RAP1GAP2: variants seen among roughly 807,000 people sequenced by gnomAD.
The protein encoded by RAP1GAP2 is rap1 GTPase-activating protein 2.
A neutral mutation model predicts 95.0 loss-of-function variants in RAP1GAP2; 27 were observed. The observed-to-expected ratio is 0.28, with a 90% CI of 0.21 to 0.39. The LOEUF (loss-of-function observed/expected upper bound fraction) is 0.39. Among genes scored for constraint, RAP1GAP2 ranks in the 10% least tolerant of loss-of-function variants. RAP1GAP2 has a pLI of 1.00. For missense variants in RAP1GAP2, 771 were observed against 970.0 expected (o/e 0.79, Z 2.72); for synonymous variants, 373 against 380.9 (o/e 0.98, Z 0.24).
In RAP1GAP2 at chr17:2,827,598, A is replaced by G. The variant is rs1481094608; in HGVS notation, c.80+27048A>G. 6.6e-6 allele frequency among the ~76,000 whole-genome samples: 1 copy of G among 151,840 alleles called. No individual in the cohort carries two copies. ...CAAGGCGGGTGGATCACCTGAGGTC[A>G]GGGGTTCAAGACCAGCCTGGATAAC... On this transcript the variant is annotated intron_variant, in intron 2 of 24. Transcript: ENST00000254695. The surrounding 1 kb of genome is among the most constrained non-coding windows in gnomAD (Gnocchi z 4.1).
At chr17:2,856,575 C>A (rs1322477159) in intron 2 of RAP1GAP2, among the ~76,000 whole-genome samples, 1 of 152,202 alleles carries the variant, frequency 6.6e-6, no homozygotes, top group Non-Finnish European at 1.5e-5. Flanking sequence ...TCAAGACCAG[C>A]CATGCATGGG....
chr17:2,795,368 C>T (rs967604313), upstream of RAP1GAP2, among the ~76,000 whole-genome samples: 4 of 152,184 alleles, frequency 2.6e-5, no homozygotes, highest in South Asian at 4.1e-4. Context: ...AGCACCAGTG[C>T]GTGCAGAGAT....
intron 3 of RAP1GAP2, among the ~76,000 whole-genome samples, chr17:2,934,583 AC>A (rs2043247625): frequency 6.6e-6 from 1 of 152,178 alleles, no homozygotes; most frequent in African/African-American, 2.4e-5. Context: ...TCTTTCTGTT[AC>A]CCCAAGAAAT....
intron 3 of RAP1GAP2, among the ~76,000 whole-genome samples, chr17:2,932,070 A>G (rs12449808): frequency 0.89 from 134,753 of 152,258 alleles, 59,786 homozygotes; most frequent in Non-Finnish European, 0.91. Flanking sequence ...CGGCTCCAGC[A>G]AAGTCCCAGT....
intron 12 of RAP1GAP2, 104 bp downstream of exon 12, chr17:2,991,501 A>C (rs1227765498): frequency 1.2e-6 from 1 of 843,586 alleles, no homozygotes; most frequent in Admixed American, 2.4e-5. Context: ...AAAAACACAC[A>C]AGAAATGAGG....
intron 2 of RAP1GAP2, among the ~76,000 whole-genome samples, chr17:2,840,218 C>T (rs1400808519): frequency 6.7e-6 from 1 of 150,028 alleles, no homozygotes; most frequent in Non-Finnish European, 1.5e-5. Context: ...CACTGGAGTG[C>T]GGTGGCGCGA....
chr17:2,966,587 G>A (rs1242500928), intron 8 of RAP1GAP2, among the ~76,000 whole-genome samples: 3 of 152,164 alleles, frequency 2.0e-5, no homozygotes, highest in East Asian at 3.8e-4. Context: ...GGAAAGGTGG[G>A]GGTCCGTGGT....
intron 1 of RAP1GAP2, among the ~76,000 whole-genome samples, chr17:2,768,354 G>T (rs2068316232): frequency 6.6e-6 from 1 of 152,190 alleles, no homozygotes; most frequent in Non-Finnish European, 1.5e-5. Context: ...CCACAGGAGG[G>T]CAGGGACTAT....
In RAP1GAP2 at chr17:2,855,665, T is replaced by C. The variant is rs532127243; in HGVS notation, c.81-49619T>C. On this transcript the variant is annotated intron_variant, in intron 2 of 24. Transcript: ENST00000254695. The surrounding 1 kb of genome is among the most constrained non-coding windows in gnomAD (Gnocchi z 4.3). The stretch of plus-strand genomic sequence containing the variant: ...CTCACTCTGTTAGCCCAAGCTGGAG[T>C]ACAGTGGCGCCATCTCGGCCCACTG... 4.4e-3 allele frequency among the ~76,000 whole-genome samples: 667 copies of C among 152,312 alleles called. 9 individuals carry two copies. The highest frequency in any genetic ancestry group is 0.014 in the Middle Eastern group (4 of 294).
chr17:2,927,797 C>A (rs558608246), intron 3 of RAP1GAP2, among the ~76,000 whole-genome samples: 1 of 152,278 alleles, frequency 6.6e-6, no homozygotes, highest in South Asian at 2.1e-4. Flanking sequence ...CGCTAGCCGG[C>A]CCACCGCATA....
At chr17:2,838,374 G>A (rs1339815266) in intron 2 of RAP1GAP2, among the ~76,000 whole-genome samples, 1 of 152,034 alleles carries the variant, frequency 6.6e-6, no homozygotes, top group South Asian at 2.1e-4. Context: ...GTGTGGAAGT[G>A]CAGGCAGCTG....
chr17:2,868,407 C>G (rs980919750), intron 2 of RAP1GAP2, among the ~76,000 whole-genome samples: 3 of 152,046 alleles, frequency 2.0e-5, no homozygotes, highest in African/African-American at 7.2e-5. Context: ...TACATGGTGT[C>G]GAAACTGCGG....
intron 10 of RAP1GAP2, among the ~76,000 whole-genome samples, chr17:2,982,916 T>A (rs1399265718): frequency 1.3e-5 from 2 of 152,208 alleles, no homozygotes; most frequent in Non-Finnish European, 2.9e-5. Context: ...CACGCATGTG[T>A]GTGTTTTTAA....
intron 3 of RAP1GAP2, among the ~76,000 whole-genome samples, chr17:2,939,558 C>G (rs2043414283): frequency 6.6e-6 from 1 of 152,246 alleles, no homozygotes; most frequent in African/African-American, 2.4e-5. Context: ...CCAAGGGGAG[C>G]CTGCTGGAGT....
chr17:2,969,177 A>ATCTCTC (rs1035976060), intron 8 of RAP1GAP2, among the ~76,000 whole-genome samples: 34 of 100,040 alleles, frequency 3.4e-4, no homozygotes, highest in African/African-American at 1.0e-3. Context: ...CTATCTATCT[A>ATCTCTC]TCTATATATA....
Position 2,964,099 on chromosome 17 carries a change from T to C in RAP1GAP2, c.492+31T>C, listed in dbSNP as rs370717261. On this transcript the variant is annotated intron_variant, in intron 7 of 24. Coordinates refer to ENST00000254695, the MANE Select transcript of RAP1GAP2 (RefSeq NM_015085.5). ...GCTGGGGGAGAGGAGCTGCTGGGGG[T>C]TGGGGGCAGAGGCTGGGGACGCTGG... The C allele has an allele frequency of 1.2e-5, 18 of 1,563,880 alleles. No homozygotes were observed. In the African/African-American group the frequency reaches 2.6e-4, roughly 22 times the overall value.
At chr17:2,911,698 A>T (rs1393471464) in intron 3 of RAP1GAP2, among the ~76,000 whole-genome samples, 1 of 4,690 alleles carries the variant, frequency 2.1e-4, no homozygotes, top group Admixed American at 2.7e-3. Flanking sequence ...GTGGGGTGGG[A>T]TGGGGCGGGG....
At chr17:2,839,105 C>A (rs540850077) in intron 2 of RAP1GAP2, among the ~76,000 whole-genome samples, 8 of 152,076 alleles carry the variant, frequency 5.3e-5, no homozygotes, top group Non-Finnish European at 1.0e-4. Flanking sequence ...AAGTTTGAGA[C>A]CAGCCTGGCC....
intron 14 of RAP1GAP2, among the ~76,000 whole-genome samples, chr17:2,999,946 T>TTTCC (rs2046098244): frequency 6.6e-6 from 1 of 152,020 alleles, no homozygotes; most frequent in African/African-American, 2.4e-5. Context: ...TGAGCATTTA[T>TTTCC]TTTCTTTTCT....
Sources: gnomAD v4.1 joint callset for allele counts (sites outside exome capture counted in the v4.1 genomes callset) on GRCh38, gnomAD v4.1.1 for gene constraint, Gnocchi (gnomAD v3.1) non-coding constraint, MANE v1.5 for transcripts, NCBI Gene and HGNC (gene_info 2026-07-23, HGNC 2026-07-21) for gene names.